BCKDHB: variants seen among roughly 807,000 people sequenced by gnomAD.
BCKDHB encodes the protein 2-oxoisovalerate dehydrogenase subunit beta, mitochondrial.
A neutral mutation model predicts 48.5 loss-of-function variants in BCKDHB; 41 were observed. That is an observed-to-expected ratio of 0.85 (90% CI 0.66 to 1.10). The LOEUF (loss-of-function observed/expected upper bound fraction) is 1.10. Among genes scored for constraint, BCKDHB ranks in the 50% least tolerant of loss-of-function variants. The pLI is 0.00. For missense variants in BCKDHB, 496 were observed against 494.2 expected, an observed-to-expected ratio of 1.00 and a Z score of -0.03; for synonymous variants, 201 against 174.8, an observed-to-expected ratio of 1.15 and a Z score of -1.18.
At chr6:80,174,865 A>G (rs1773079514) in intron 6 of BCKDHB, among the ~76,000 whole-genome samples, 1 of 152,198 alleles carries the variant, frequency 6.6e-6, no homozygotes, top group African/African-American at 2.4e-5. Flanking sequence ...GGAATAGTCT[A>G]AGGTAATATT....
chr6:80,337,865 C>A (rs1167381362), intron 9 of BCKDHB, among the ~76,000 whole-genome samples: 1 of 152,104 alleles, frequency 6.6e-6, no homozygotes, highest in Non-Finnish European at 1.5e-5. Context: ...CCTGTTTTGA[C>A]TTATGATATG....
At chr6:80,116,136 A>G (rs1323748003) in intron 1 of BCKDHB, among the ~76,000 whole-genome samples, 1 of 152,032 alleles carries the variant, frequency 6.6e-6, no homozygotes, top group African/African-American at 2.4e-5. Flanking sequence ...GATTGCTGAC[A>G]TTTGCCCTTT....
chr6:80,267,445 G>A (rs781056814), intron 8 of BCKDHB, among the ~76,000 whole-genome samples: 1 of 152,088 alleles, frequency 6.6e-6, no homozygotes, highest in Non-Finnish European at 1.5e-5. Context: ...ATAAGGGAAA[G>A]CCCAGCTGGT....
chr6:80,400,967 C>G, the BCKDHB span, among the ~76,000 whole-genome samples: 2 of 151,348 alleles, frequency 1.3e-5, no homozygotes, highest in Non-Finnish European at 2.9e-5. Flanking sequence ...TGCAGGAACA[C>G]AAATCCACAT....
intron 3 of BCKDHB, among the ~76,000 whole-genome samples, chr6:80,141,697 A>G (rs569642228): frequency 1.1e-4 from 17 of 152,276 alleles, no homozygotes; most frequent in African/African-American, 3.8e-4. Context: ...TATTGTCAGA[A>G]AGTATAAAAT....
At chr6:80,218,815 A>T (rs1442383950) in intron 8 of BCKDHB, among the ~76,000 whole-genome samples, 1 of 152,106 alleles carries the variant, frequency 6.6e-6, no homozygotes, top group Non-Finnish European at 1.5e-5. Context: ...AGAACATTAC[A>T]TTGTTTTATA....
chr6:80,410,003 T>C, the BCKDHB span, among the ~76,000 whole-genome samples: 1 of 152,152 alleles, frequency 6.6e-6, no homozygotes, highest in Non-Finnish European at 1.5e-5. Context: ...TGTTAGCTGG[T>C]TATTTTGCCC....
rs10214467 is a variant in BCKDHB, at chr6:80,325,137, G to A, written c.1039-18527G>A. ...ATCAAATATTTAGAGAAAAAAATCT[G>A]TGGTGTTTTAGAATATAATATAATA... On this transcript the variant is annotated intron_variant, in intron 9 of 9. Coordinates refer to ENST00000320393, the MANE Select transcript of BCKDHB (RefSeq NM_183050.4). Among the ~76,000 whole-genome samples, 159 of 152,232 alleles carry A rather than the reference G, an allele frequency of 1.0e-3. 1 individual carries two copies. The highest frequency in any genetic ancestry group is 3.6e-3 in the African/African-American group (149 of 41,516).
At chr6:80,404,484 T>C in the BCKDHB span, among the ~76,000 whole-genome samples, 25 of 151,888 alleles carry the variant, frequency 1.6e-4, no homozygotes, top group Non-Finnish European at 3.4e-4. Context: ...AGCTAAGAAT[T>C]TGTCTATTTT....
intron 9 of BCKDHB, among the ~76,000 whole-genome samples, chr6:80,308,719 C>T (rs959769784): frequency 7.3e-5 from 11 of 151,704 alleles, no homozygotes; most frequent in Non-Finnish European, 1.3e-4. Flanking sequence ...CTCAGCCTCC[C>T]GAGTAGCTGG....
At chr6:80,203,928 CTGTT>C (rs1281107303) in intron 8 of BCKDHB, among the ~76,000 whole-genome samples, 1 of 150,896 alleles carries the variant, frequency 6.6e-6, no homozygotes, top group African/African-American at 2.4e-5. Context: ...GTTAAGCACT[CTGTT>C]TGTAATAGTC....
chr6:80,151,024 G>A (rs1178299882), intron 3 of BCKDHB, among the ~76,000 whole-genome samples: 1 of 152,068 alleles, frequency 6.6e-6, no homozygotes, highest in Non-Finnish European at 1.5e-5. Flanking sequence ...TGATACATGT[G>A]CATATATGTG....
At chr6:80,290,948 T>C (rs1766877849) in intron 9 of BCKDHB, among the ~76,000 whole-genome samples, 1 of 152,132 alleles carries the variant, frequency 6.6e-6, no homozygotes, top group Non-Finnish European at 1.5e-5. Context: ...CTGGTGAGAG[T>C]GTAGCAGTCA....
At chr6:80,279,375 C>T (rs1050050406) in intron 9 of BCKDHB, among the ~76,000 whole-genome samples, 1 of 151,942 alleles carries the variant, frequency 6.6e-6, no homozygotes, top group African/African-American at 2.4e-5. Context: ...AGGCTGGTCT[C>T]GAACTCCTGA....
At chr6:80,295,622 G>GAAAAAAAAAAA (rs56998407) in intron 9 of BCKDHB, among the ~76,000 whole-genome samples, 1 of 136,440 alleles carries the variant, frequency 7.3e-6, no homozygotes, top group Non-Finnish European at 1.6e-5. Flanking sequence ...CCTGTTACCA[G>GAAAAAAAAAAA]AAAAAAAAAA....
intron 1 of BCKDHB, among the ~76,000 whole-genome samples, chr6:80,115,988 G>A (rs888288479): frequency 1.3e-5 from 2 of 152,242 alleles, no homozygotes; most frequent in Admixed American, 6.5e-5. Flanking sequence ...AGTGCCGAAC[G>A]TATTGGCACA....
chr6:80,401,771 C>A, the BCKDHB span, among the ~76,000 whole-genome samples: 1 of 151,748 alleles, frequency 6.6e-6, no homozygotes, highest in African/African-American at 2.4e-5. Flanking sequence ...CACCATTTTA[C>A]GCTGTACTTC....
intron 9 of BCKDHB, among the ~76,000 whole-genome samples, chr6:80,319,361 T>G (rs962660180): frequency 1.3e-5 from 2 of 152,216 alleles, no homozygotes; most frequent in Non-Finnish European, 2.9e-5. Context: ...TTTGAATGAA[T>G]TATTAAAGTT....
At chr6:80,233,815 C>G (rs756555276) in intron 8 of BCKDHB, among the ~76,000 whole-genome samples, 1 of 152,072 alleles carries the variant, frequency 6.6e-6, no homozygotes, top group South Asian at 2.1e-4. Context: ...TTCTGAAATT[C>G]CAAACCCCAA....
Sources: allele counts gnomAD v4.1 joint callset (sites outside exome capture counted in the v4.1 genomes callset), GRCh38; gene constraint gnomAD v4.1.1; transcripts MANE v1.5; gene names NCBI Gene and HGNC (gene_info 2026-07-23, HGNC 2026-07-21).